The following TMEM108 variants were observed in gnomAD, a reference collection of about 807,000 sequenced individuals.
The protein encoded by TMEM108 is cancer/testis antigen 124.
In TMEM108, 12 loss-of-function variants were observed where a neutral mutation model predicts 35.1. That is an observed-to-expected ratio of 0.34 (90% CI 0.22 to 0.55). TMEM108 has a LOEUF of 0.55. TMEM108 is among the 20% of genes least tolerant of loss of function. TMEM108 has a pLI of 0.89. For synonymous variants in TMEM108, 287 were observed against 308.6 expected, an observed-to-expected ratio of 0.93 and a Z score of 0.73; for missense variants, 680 against 753.3, an observed-to-expected ratio of 0.90 and a Z score of 1.14.
intron 2 of TMEM108, among the ~76,000 whole-genome samples, chr3:133,109,687 G>T (rs1429375624): frequency 6.6e-6 from 1 of 152,128 alleles, no homozygotes; most frequent in Non-Finnish European, 1.5e-5. Context: ...TAATTTCTAA[G>T]ACTCATAAAG....
intron 3 of TMEM108, among the ~76,000 whole-genome samples, chr3:133,288,197 A>G (rs927812593): frequency 1.5e-4 from 23 of 152,218 alleles, no homozygotes; most frequent in African/African-American, 5.5e-4. Context: ...CAGTTTCAGG[A>G]AAGTTCAACC....
rs574937379 is a variant in TMEM108, at chr3:133,238,119, A to G, written c.40+8768A>G. Among the ~76,000 whole-genome samples, 9 of 144,698 alleles carry G rather than the reference A, an allele frequency of 6.2e-5. No individual in the cohort carries two copies. In the East Asian group the frequency reaches 1.6e-3, roughly 25 times the overall value. 94.9% of individuals were successfully genotyped at this position (144,698 alleles called of 152,430 possible). A position where few individuals can be genotyped will look rare whatever the true frequency, so the allele number is the denominator to read the frequency against. ...CTCCCTTTCATATCCCTCCTCCCTC[A>G]CTCACACACATACACCACACAATTC... On this transcript the variant is annotated intron_variant, in intron 3 of 5. Coordinates refer to ENST00000321871, the MANE Select transcript of TMEM108 (RefSeq NM_023943.4).
chr3:133,161,783 TACTC>T (rs1944965312), intron 2 of TMEM108, among the ~76,000 whole-genome samples: 1 of 152,038 alleles, frequency 6.6e-6, no homozygotes, highest in African/African-American at 2.4e-5. Flanking sequence ...CCATTTCTGA[TACTC>T]ACAGCATTCA....
At position 133,320,411 on chromosome 3, in the gene TMEM108, A is replaced by C. The variant is rs144977480; in HGVS notation, c.41-59341A>C. The stretch of plus-strand genomic sequence containing the variant: ...TATACTAGAAAGTTTCAACAGTAGA[A>C]TCAAACAAGTAGAAGAAAGAACTTC... On this transcript the variant is annotated intron_variant, in intron 3 of 5. Coordinates refer to ENST00000321871, the MANE Select transcript of TMEM108 (RefSeq NM_023943.4). Among the ~76,000 whole-genome samples the C allele has an allele frequency of 6.1e-3, 923 of 152,270 alleles. 7 individuals carry two copies. Among genetic ancestry groups the C allele is most frequent in the African/African-American group, 0.021 (870 of 41,576 alleles).
intron 3 of TMEM108, among the ~76,000 whole-genome samples, chr3:133,230,692 G>C (rs1946139740): frequency 6.6e-6 from 1 of 152,184 alleles, no homozygotes; most frequent in South Asian, 2.1e-4. Flanking sequence ...GAACAACAGA[G>C]TAGATTTTGG....
chr3:133,093,130 C>T (rs1943970394), intron 2 of TMEM108, among the ~76,000 whole-genome samples: 1 of 151,996 alleles, frequency 6.6e-6, no homozygotes, highest in Admixed American at 6.6e-5. Flanking sequence ...GCTAGGGCTA[C>T]AGGAGTGTGC....
At chr3:133,244,692 C>T (rs1211511480) in intron 3 of TMEM108, among the ~76,000 whole-genome samples, 1 of 152,178 alleles carries the variant, frequency 6.6e-6, no homozygotes, top group Non-Finnish European at 1.5e-5. Flanking sequence ...AGAATCATTG[C>T]CAGCCTGACA....
chr3:133,377,261 T>G (rs1038250656), intron 3 of TMEM108, among the ~76,000 whole-genome samples: 1 of 152,170 alleles, frequency 6.6e-6, no homozygotes, highest in African/African-American at 2.4e-5. Context: ...CACTTAACAC[T>G]TGTGAGCTAA....
At chr3:133,061,404 G>C (rs1277422463) in intron 2 of TMEM108, among the ~76,000 whole-genome samples, 1 of 151,922 alleles carries the variant, frequency 6.6e-6, no homozygotes, top group African/African-American at 2.4e-5. Flanking sequence ...TAGTAGAGAT[G>C]GGGTTTCACC....
At chr3:133,319,013 G>A (rs1246961674) in intron 3 of TMEM108, among the ~76,000 whole-genome samples, 1 of 151,878 alleles carries the variant, frequency 6.6e-6, no homozygotes, top group South Asian at 2.1e-4. Context: ...CTGTTTGCAG[G>A]CCACAGTGGG....
chr3:133,162,886 T>G (rs1944981501), intron 2 of TMEM108, among the ~76,000 whole-genome samples: 1 of 152,240 alleles, frequency 6.6e-6, no homozygotes, highest in South Asian at 2.1e-4. Flanking sequence ...GCATTCTGTT[T>G]GTTTATTTCT....
chr3:133,180,926 G>T (rs1388577972), intron 2 of TMEM108, among the ~76,000 whole-genome samples: 5 of 138,220 alleles, frequency 3.6e-5, no homozygotes, highest in Admixed American at 1.6e-4. Flanking sequence ...TTCACTCTTA[G>T]ATTTTTAACA....
intron 2 of TMEM108, among the ~76,000 whole-genome samples, chr3:133,173,076 G>A (rs1002502423): frequency 1.3e-5 from 2 of 152,118 alleles, no homozygotes; most frequent in Admixed American, 1.3e-4. Flanking sequence ...TTTATCAGCA[G>A]CATGAGAACA....
intron 3 of TMEM108, among the ~76,000 whole-genome samples, chr3:133,270,586 A>G (rs1480201482): frequency 6.6e-6 from 1 of 152,082 alleles, no homozygotes; most frequent in Non-Finnish European, 1.5e-5. Context: ...TGGGAAGAAG[A>G]CTGGAGGCTA....
chr3:133,227,326 T>C (rs1035541598), intron 2 of TMEM108, among the ~76,000 whole-genome samples: 2 of 150,400 alleles, frequency 1.3e-5, no homozygotes, highest in African/African-American at 4.9e-5. Flanking sequence ...CCCAAGTAGC[T>C]GGGACTACAG....
intron 2 of TMEM108, among the ~76,000 whole-genome samples, chr3:133,099,687 A>C (rs767545512): frequency 4.6e-5 from 7 of 152,226 alleles, no homozygotes; most frequent in Non-Finnish European, 1.0e-4. Context: ...TCTCTAGGGC[A>C]GGGGAAGTAT....
intron 1 of TMEM108, chr3:133,041,869 C>T (rs533853864): frequency 6.6e-6 from 1 of 152,154 alleles, no homozygotes; most frequent in Non-Finnish European, 1.5e-5. Context: ...AGTACATGCT[C>T]TGAAGACAGC....
At chr3:133,304,021 TA>T (rs1306865662) in intron 3 of TMEM108, among the ~76,000 whole-genome samples, 2 of 152,222 alleles carry the variant, frequency 1.3e-5, no homozygotes, top group African/African-American at 4.8e-5. Flanking sequence ...CCCATAGTAA[TA>T]TGGCTCTGCC....
intron 2 of TMEM108, among the ~76,000 whole-genome samples, chr3:133,169,885 T>C (rs184668000): frequency 1.3e-5 from 2 of 152,318 alleles, no homozygotes; most frequent in East Asian, 3.9e-4. Flanking sequence ...AGATGGTGAT[T>C]AGCTGGTTGA....
Sources: gnomAD v4.1 joint callset for allele counts (sites outside exome capture counted in the v4.1 genomes callset) on GRCh38, gnomAD v4.1.1 for gene constraint, MANE v1.5 for transcripts, NCBI Gene and HGNC (gene_info 2026-07-23, HGNC 2026-07-21) for gene names.